KCNJ18: variants seen among roughly 807,000 people sequenced by gnomAD.
KCNJ18 encodes inward rectifier potassium channel 18.
In KCNJ18, 16 loss-of-function variants were observed where a neutral mutation model predicts 17.3. The ratio of observed to expected loss-of-function variants is 0.92; its 90% CI spans 0.62 to 1.40. The LOEUF (loss-of-function observed/expected upper bound fraction) is 1.40, where lower values mean the gene tolerates loss of function less well. Ranked by LOEUF, KCNJ18 falls within the 40% of genes most tolerant of loss-of-function variation. The pLI, the probability that KCNJ18 is intolerant of heterozygous loss-of-function variation, is 0.00. For missense variants in KCNJ18, 462 were observed against 626.8 expected (o/e 0.74, Z 2.81); for synonymous variants, 185 against 262.6 (o/e 0.70, Z 2.86).
chr17:21,698,076 T>A (rs1315413892), intron 2 of KCNJ18, among the ~76,000 whole-genome samples: 3 of 150,150 alleles, frequency 2.0e-5, no homozygotes, highest in African/African-American at 7.3e-5. Context: ...CCCTTGAACC[T>A]GTTCTTTTGA....
At position 21,703,014 on chromosome 17, in the gene KCNJ18, G is replaced by C; in HGVS notation, c.228G>C (p.Val76=). Reference sequence around the variant, plus strand: ...TGGCTGACATGTTCACCACCTGTGTGGACATCCGCTGGCGCTACATGCTGC... The same window carrying C: ...TGGCTGACATGTTCACCACCTGTGTCGACATCCGCTGGCGCTACATGCTGC... ...RYLADMFTTC[V]DIRWRYMLLI... The change falls in exon 3 of 3, where the codon GTG becomes GTC. Residue 76 remains valine (V), a synonymous_variant. Transcript: ENST00000567955. The C allele has an allele frequency of 6.2e-7, 1 of 1,612,310 alleles. No homozygotes were observed. Among genetic ancestry groups the C allele is most frequent in the South Asian group, 1.1e-5 (1 of 90,688 alleles).
chr17:21,697,935 G>A (rs1215248972), intron 2 of KCNJ18, among the ~76,000 whole-genome samples: 2 of 152,310 alleles, frequency 1.3e-5, no homozygotes, highest in African/African-American at 4.8e-5. Context: ...CTTGGGCGGG[G>A]AGGCGTGTGC....
At chr17:21,697,758 G>T (rs1457487303) in intron 2 of KCNJ18, among the ~76,000 whole-genome samples, 1 of 152,312 alleles carries the variant, frequency 6.6e-6, no homozygotes, top group Non-Finnish European at 1.5e-5. Flanking sequence ...CTGGCTCAGA[G>T]CCTCAGTCTC....
chr17:21,698,494 C>T (rs1417607742), intron 2 of KCNJ18, among the ~76,000 whole-genome samples: 170 of 152,130 alleles, frequency 1.1e-3, no homozygotes, highest in African/African-American at 3.9e-3. Flanking sequence ...CCTCCCCCTC[C>T]GAGTCCCTAT....
At position 21,703,832 on chromosome 17, in the gene KCNJ18, A is replaced by T. The variant is rs1906065505; in HGVS notation, c.1046A>T (p.Tyr349Phe). The change falls in exon 3 of 3, where the codon TAT becomes TTT. Residue 349 changes from tyrosine to phenylalanine, a missense_variant. Physicochemically the swap from Tyr to Phe is conservative, Grantham distance 22. Coordinates refer to ENST00000567955, the MANE Select transcript of KCNJ18 (RefSeq NM_001194958.2). Reference protein sequence around the residue: ...KIDYSHFHKTYEVPSTPRCSA... With the variant: ...KIDYSHFHKTFEVPSTPRCSA... ...GACTACTCGCACTTCCACAAGACCT[A>T]TGAGGTGCCCTCTACGCCCCGCTGC... 5.6e-6 allele frequency: 9 copies of T among 1,611,226 alleles called. No individual in the cohort carries two copies. Among genetic ancestry groups the T allele is most frequent in the Non-Finnish European group, 5.9e-6 (7 of 1,179,408 alleles).
At chr17:21,701,921 A>T (rs1424470891) in intron 2 of KCNJ18, among the ~76,000 whole-genome samples, 1 of 144,474 alleles carries the variant, frequency 6.9e-6, no homozygotes, top group South Asian at 2.2e-4. Context: ...AAAAAAGAAA[A>T]AAAAAAGAAA....
Position 21,703,992 on chromosome 17 carries a change from T to C in KCNJ18, c.1206T>C (p.Asp402=), listed in dbSNP as rs1196122391. 598 of 1,593,100 alleles carry C rather than the reference T, an allele frequency of 3.8e-4. 1 individual carries two copies. Among genetic ancestry groups the C allele is most frequent in the African/African-American group, 3.4e-3 (254 of 74,202 alleles). ...ADGDQDGRSR[D]GLSPQARHDF... Reference sequence around the variant, plus strand: ...GAGACCAGGACGGCCGAAGCCGGGATGGCCTCAGCCCCCAGGCCAGGCATG... The same window carrying C: ...GAGACCAGGACGGCCGAAGCCGGGACGGCCTCAGCCCCCAGGCCAGGCATG... Residue 402 remains aspartate, a synonymous_variant, in exon 3 of 3, where the codon GAT becomes GAC. Coordinates refer to ENST00000567955, the MANE Select transcript of KCNJ18 (RefSeq NM_001194958.2).
At chr17:21,694,994 G>T (rs1266753537) in intron 1 of KCNJ18, among the ~76,000 whole-genome samples, 3 of 145,270 alleles carry the variant, frequency 2.1e-5, no homozygotes, top group South Asian at 4.5e-4. Flanking sequence ...CATCCCATTC[G>T]TCTATCCATC....
At chr17:21,697,818 G>T (rs1240031749) in intron 2 of KCNJ18, among the ~76,000 whole-genome samples, 24,939 of 135,998 alleles carry the variant, frequency 0.18, no homozygotes, top group African/African-American at 0.25. Context: ...TGCTGCATCT[G>T]ATGAATGGTG....
Position 21,702,909 on chromosome 17 carries a change from G to C in KCNJ18, c.123G>C (p.Arg41Ser). The change falls in exon 3 of 3, where the codon AGG becomes AGC. Residue 41 changes from arginine to serine, a missense_variant. Coordinates refer to ENST00000567955, the MANE Select transcript of KCNJ18 (RefSeq NM_001194958.2). ...ACGGCAAGGTGCACACGCGGCGCAG[G>C]TGCCGCAACCGCTTCGTCAAGAAGA... The part of the protein sequence containing the change: ...FGNGKVHTRR[R>S]CRNRFVKKNG... The C allele has an allele frequency of 4.4e-6, 7 of 1,594,960 alleles. No individual in the cohort carries two copies. Among genetic ancestry groups the C allele is most frequent in the Non-Finnish European group, 6.0e-6 (7 of 1,174,186 alleles).
chr17:21,702,831 G>A lies in KCNJ18; in HGVS notation c.45G>A (p.Leu15=). 2 of 1,598,180 alleles carry A rather than the reference G, an allele frequency of 1.3e-6. No individual in the cohort carries two copies. Among genetic ancestry groups the A allele is most frequent in the African/African-American group, 1.3e-5 (1 of 74,938 alleles). ...SRANPYSIVS[L]EEDGLHLVTM... is the part of the protein sequence containing the mutation. ...CCAACCCCTACAGCATCGTGTCATT[G>A]GAGGAGGACGGGCTGCACCTGGTCA... Residue 15 remains leucine, a synonymous_variant, in exon 3 of 3, where the codon TTG becomes TTA. Transcript: ENST00000567955.
At chr17:21,693,012 C>G (rs1905647986) in intron 1 of KCNJ18, among the ~76,000 whole-genome samples, 1 of 152,312 alleles carries the variant, frequency 6.6e-6, no homozygotes, top group East Asian at 1.9e-4. Flanking sequence ...CCCTGCCCTC[C>G]CCTGCGGGAC....
Position 21,704,214 on chromosome 17 carries a change from C to T in KCNJ18, c.*126C>T, listed in dbSNP as rs1187173098. On this transcript the variant is annotated 3_prime_UTR_variant, in exon 3 of 3. Coordinates refer to ENST00000567955, the MANE Select transcript of KCNJ18 (RefSeq NM_001194958.2). ...GTTGCAGACTCAGTAGCGTTTTAGT[C>T]GTTTTATGTTTCTTTGCAAAGGCCT... is the stretch of plus-strand genomic sequence containing the variant. The T allele has an allele frequency of 1.5e-5, 17 of 1,159,258 alleles. No individual in the cohort carries two copies. The highest frequency in any genetic ancestry group is 5.9e-5 in the Admixed American group (2 of 34,026). 71.8% of individuals were successfully genotyped at this position (1,159,258 alleles called of 1,614,324 possible).
Position 21,703,007 on chromosome 17 carries a change from C to T in KCNJ18, c.221C>T (p.Thr74Ile), listed in dbSNP as rs1436963865. Reference sequence around the variant, plus strand: ...CGCTACCTGGCTGACATGTTCACCACCTGTGTGGACATCCGCTGGCGCTAC... The same window carrying T: ...CGCTACCTGGCTGACATGTTCACCATCTGTGTGGACATCCGCTGGCGCTAC... ...SQRYLADMFTTCVDIRWRYML... is the reference protein window; with the variant it reads ...SQRYLADMFTICVDIRWRYML... Residue 74 changes from threonine (T) to isoleucine (I), a missense_variant, in exon 3 of 3, where the codon ACC (threonine) becomes ATC (isoleucine). By Grantham distance (89) the Thr-to-Ile change is moderately conservative (BLOSUM62 -1). Coordinates refer to ENST00000567955, the MANE Select transcript of KCNJ18 (RefSeq NM_001194958.2). The T allele has an allele frequency of 2.5e-6, 4 of 1,611,662 alleles. No homozygotes were observed. The Admixed American group carries it at 5.0e-5, about 20-fold the overall frequency.
intron 2 of KCNJ18, among the ~76,000 whole-genome samples, chr17:21,702,374 C>G (rs1208396311): frequency 6.6e-6 from 1 of 152,046 alleles, no homozygotes; most frequent in African/African-American, 2.4e-5. Flanking sequence ...GACTGGGGGG[C>G]CATCGGCAGA....
intron 2 of KCNJ18, among the ~76,000 whole-genome samples, chr17:21,698,159 T>C (rs1905826276): frequency 6.6e-6 from 1 of 151,998 alleles, no homozygotes; most frequent in African/African-American, 2.4e-5. Flanking sequence ...AGGATTGCAG[T>C]GCCACGCACA....
rs1441576827 is a variant in KCNJ18, at chr17:21,702,982, C to T, written c.196C>T (p.Arg66Cys). The T allele has an allele frequency of 3.4e-5, 54 of 1,604,034 alleles. No individual in the cohort carries two copies. The highest frequency in any genetic ancestry group is 1.7e-4 in the African/African-American group (13 of 74,748). ...AFANMDEKSQ[R>C]YLADMFTTCV... ...CGCCAACATGGACGAGAAGTCACAGCGCTACCTGGCTGACATGTTCACCAC... is the reference window on the plus strand; with the variant it reads ...CGCCAACATGGACGAGAAGTCACAGTGCTACCTGGCTGACATGTTCACCAC... Residue 66 changes from arginine (R) to cysteine (C), a missense_variant, in exon 3 of 3, where the codon CGC becomes TGC. Arg to Cys is a radical substitution (Grantham distance 180, BLOSUM62 -3). Transcript: ENST00000567955.
Position 21,703,028 on chromosome 17 carries a change from G to C in KCNJ18, c.242G>C (p.Arg81Pro), listed in dbSNP as rs3752036. ...MFTTCVDIRW[R>P]YMLLIFSLAF... ...ACCACCTGTGTGGACATCCGCTGGC[G>C]CTACATGCTGCTCATCTTCTCGCTG... Residue 81 changes from arginine (R) to proline (P), a missense_variant, in exon 3 of 3, where the codon CGC becomes CCC. Physicochemically the swap from Arg to Pro is moderately radical, Grantham distance 103. Coordinates refer to ENST00000567955, the MANE Select transcript of KCNJ18 (RefSeq NM_001194958.2). 6.8e-6 allele frequency: 11 copies of C among 1,613,042 alleles called. No individual in the cohort carries two copies. In the East Asian group the frequency reaches 2.5e-4, roughly 36 times the overall value.
rs1445413406 is a variant in KCNJ18, at chr17:21,702,786, G to A, written c.-1G>A. On this transcript the variant is annotated 5_prime_UTR_variant, in exon 3 of 3. Coordinates refer to ENST00000567955, the MANE Select transcript of KCNJ18 (RefSeq NM_001194958.2). ...TGAGCCAGGGTCCCCCAACCCCCGGGATGACCGCGGCCAGCCGGGCCAACC... is the reference window on the plus strand; with the variant it reads ...TGAGCCAGGGTCCCCCAACCCCCGGAATGACCGCGGCCAGCCGGGCCAACC... The A allele has an allele frequency of 1.1e-5, 17 of 1,582,604 alleles. No homozygotes were observed. The Admixed American group carries it at 2.8e-4, about 26-fold the overall frequency.
Sources: gnomAD v4.1 joint callset for allele counts (sites outside exome capture counted in the v4.1 genomes callset) on GRCh38, gnomAD v4.1.1 for gene constraint, MANE v1.5 for transcripts, NCBI Gene and HGNC (gene_info 2026-07-23, HGNC 2026-07-21) for gene names.